ASIC2: variants seen among roughly 807,000 people sequenced by gnomAD.
The protein encoded by ASIC2 is acid-sensing ion channel 2.
In ASIC2, 25 loss-of-function variants were observed where a neutral mutation model predicts 57.3. The ratio of observed to expected loss-of-function variants is 0.44; its 90% CI spans 0.32 to 0.61. ASIC2 has a LOEUF of 0.61. ASIC2 is among the 20% of genes least tolerant of loss of function. ASIC2 has a pLI of 0.06. For synonymous variants in ASIC2, 319 were observed against 307.5 expected, an observed-to-expected ratio of 1.04 and a Z score of -0.39; for missense variants, 641 against 738.1, an observed-to-expected ratio of 0.87 and a Z score of 1.52.
chr17:33,888,011 G>A (rs536993862), intron 1 of ASIC2, among the ~76,000 whole-genome samples: 1 of 152,264 alleles, frequency 6.6e-6, no homozygotes, highest in East Asian at 1.9e-4. Context: ...ATTGTAAAGT[G>A]AAAAAATTGT....
Position 33,477,668 on chromosome 17 carries a change from A to G in ASIC2, c.556-365601T>C, listed in dbSNP as rs541697077. On this transcript the variant is annotated intron_variant, in intron 1 of 9. Coordinates refer to the ASIC2 transcript ENST00000359872. ...CTAGACACTGAGTGTCCACATGAAC[A>G]TGACCACGTCCCTGCCCTCAAGCAC... Among the ~76,000 whole-genome samples the G allele has an allele frequency of 5.9e-5, 9 of 152,234 alleles. No individual in the cohort carries two copies. In the South Asian group the frequency reaches 8.3e-4, roughly 14 times the overall value.
At chr17:34,037,374 A>G (rs1907929650) in intron 1 of ASIC2, 1 of 446,070 alleles carries the variant, frequency 2.2e-6, no homozygotes, top group East Asian at 3.9e-5. Context: ...AGCCACACAC[A>G]GTGGCCGTTG....
intron 7 of ASIC2, among the ~76,000 whole-genome samples, chr17:33,018,942 T>G (rs1209481508): frequency 6.6e-6 from 1 of 152,112 alleles, no homozygotes; most frequent in African/African-American, 2.4e-5. Flanking sequence ...AGCTTATGGC[T>G]GGGTGGGGTC....
chr17:33,395,106 C>T (rs887035785), intron 1 of ASIC2, among the ~76,000 whole-genome samples: 1 of 151,584 alleles, frequency 6.6e-6, no homozygotes, highest in Non-Finnish European at 1.5e-5. Context: ...TTTCTATCCA[C>T]CCATCAATCA....
At chr17:33,646,512 G>A (rs1906745075) in intron 1 of ASIC2, among the ~76,000 whole-genome samples, 1 of 152,122 alleles carries the variant, frequency 6.6e-6, no homozygotes, top group Admixed American at 6.5e-5. Context: ...GTGCTCTTGG[G>A]GATCACATCC....
rs148895851 is a variant in ASIC2 at position 33,631,696 on chromosome 17, A to G, written c.556-519629T>C. Reference sequence around the variant, plus strand: ...TAGCATCCATAGGTGGAAGGAAATGAAGGGGAAGGGGGAGTCAAAGTCTGA... The same window carrying G: ...TAGCATCCATAGGTGGAAGGAAATGGAGGGGAAGGGGGAGTCAAAGTCTGA... On this transcript the variant is annotated intron_variant, in intron 1 of 9. Transcript: ENST00000359872. Among the ~76,000 whole-genome samples the G allele has an allele frequency of 6.6e-3, 1,002 of 152,206 alleles. 17 individuals carry two copies. The highest frequency in any genetic ancestry group is 0.022 in the African/African-American group (918 of 41,520).
intron 1 of ASIC2, among the ~76,000 whole-genome samples, chr17:33,312,260 G>T (rs1906460054): frequency 6.6e-6 from 1 of 152,164 alleles, no homozygotes; most frequent in South Asian, 2.1e-4. Flanking sequence ...TTGAATGGTA[G>T]CCATTCTTAA....
At chr17:33,460,989 A>G (rs971040503) in intron 1 of ASIC2, among the ~76,000 whole-genome samples, 4 of 152,160 alleles carry the variant, frequency 2.6e-5, no homozygotes, top group African/African-American at 9.7e-5. Context: ...GCTTTTCTCA[A>G]TTCCATCTCC....
chr17:33,856,009 G>A (rs1913917945), intron 1 of ASIC2, among the ~76,000 whole-genome samples: 1 of 152,092 alleles, frequency 6.6e-6, no homozygotes. Flanking sequence ...AAAGGAGCAA[G>A]GAAGAAGGGG....
chr17:33,799,216 C>T (rs931613474), intron 1 of ASIC2, among the ~76,000 whole-genome samples: 1 of 150,656 alleles, frequency 6.6e-6, no homozygotes, highest in Non-Finnish European at 1.5e-5. Flanking sequence ...CAGTTCCTTC[C>T]TTCCTTCCTT....
intron 1 of ASIC2, among the ~76,000 whole-genome samples, chr17:33,153,954 G>C (rs1277878777): frequency 1.3e-5 from 2 of 152,156 alleles, no homozygotes; most frequent in African/African-American, 4.8e-5. Flanking sequence ...GCAAATCACA[G>C]TTTGACTTCT....
intron 1 of ASIC2, among the ~76,000 whole-genome samples, chr17:33,734,893 A>G (rs745997210): frequency 6.6e-6 from 1 of 152,156 alleles, no homozygotes; most frequent in Non-Finnish European, 1.5e-5. Flanking sequence ...TGTTTAACCC[A>G]TCCACTTTGT....
intron 1 of ASIC2, among the ~76,000 whole-genome samples, chr17:33,578,294 T>A (rs8071886): frequency 0.092 from 14,049 of 152,200 alleles, 1,322 homozygotes; most frequent in African/African-American, 0.24. Context: ...AGTGAAACAC[T>A]GTGGTTTAGA....
At chr17:33,225,865 T>A (rs1469328975) in intron 1 of ASIC2, among the ~76,000 whole-genome samples, 1 of 152,228 alleles carries the variant, frequency 6.6e-6, no homozygotes, top group African/African-American at 2.4e-5. Context: ...GACATTTCCT[T>A]AGCCCAGTCA....
intron 1 of ASIC2, among the ~76,000 whole-genome samples, chr17:33,887,488 G>T (rs1165698044): frequency 6.6e-6 from 1 of 152,204 alleles, no homozygotes; most frequent in Admixed American, 6.5e-5. Context: ...AGCTTACTGT[G>T]CAGGGGCTGG....
intron 1 of ASIC2, among the ~76,000 whole-genome samples, chr17:33,320,594 G>A (rs1305343896): frequency 2.6e-5 from 4 of 152,162 alleles, no homozygotes; most frequent in African/African-American, 9.7e-5. Context: ...TGTTATTGTT[G>A]GTTGCGAACA....
At chr17:33,174,828 G>C (rs1018206830) in intron 1 of ASIC2, among the ~76,000 whole-genome samples, 1 of 152,144 alleles carries the variant, frequency 6.6e-6, no homozygotes, top group African/African-American at 2.4e-5. Flanking sequence ...ACGTGAGCAA[G>C]AAATGAGCTT....
intron 1 of ASIC2, among the ~76,000 whole-genome samples, chr17:33,929,075 C>T (rs911752391): frequency 3.3e-5 from 5 of 152,120 alleles, no homozygotes; most frequent in Non-Finnish European, 5.9e-5. Flanking sequence ...TGCACAAGAA[C>T]GCTATTTGAG....
At chr17:33,529,599 C>T (rs909924111) in intron 1 of ASIC2, among the ~76,000 whole-genome samples, 2 of 152,334 alleles carry the variant, frequency 1.3e-5, no homozygotes, top group Admixed American at 1.3e-4. Context: ...CATTGAGGCA[C>T]ATTACTCAAC....
Sources: allele counts gnomAD v4.1 joint callset (sites outside exome capture counted in the v4.1 genomes callset), GRCh38; gene constraint gnomAD v4.1.1; transcripts MANE v1.5; gene names NCBI Gene and HGNC (gene_info 2026-07-23, HGNC 2026-07-21).